ELP2: variants seen among roughly 807,000 people sequenced by gnomAD.
The protein encoded by ELP2 is elongator acetyltransferase complex subunit 2, also known as elongator complex protein 2.
A neutral mutation model predicts 119.2 loss-of-function variants in ELP2; 90 were observed. That is an observed-to-expected ratio of 0.75 (90% CI 0.64 to 0.90). The LOEUF (loss-of-function observed/expected upper bound fraction) is 0.90. ELP2 is among the 40% of genes least tolerant of loss of function. The pLI is 0.00. For synonymous variants in ELP2, 339 were observed against 331.0 expected (o/e 1.02, Z -0.26); for missense variants, 921 against 967.8 (o/e 0.95, Z 0.64).
chr18:36,165,109 T>C (rs1316752857), intron 18 of ELP2: 1 of 173,740 alleles, frequency 5.8e-6, no homozygotes, highest in Non-Finnish European at 1.2e-5. Context: ...TATAGTACTA[T>C]TTTAAATTAT....
At chr18:36,149,488 G>GTTTTTTTTTTTTTT (rs71166097) in intron 11 of ELP2, among the ~76,000 whole-genome samples, 1 of 125,082 alleles carries the variant, frequency 8.0e-6, no homozygotes, top group Non-Finnish European at 1.6e-5. Flanking sequence ...GTTTTGTTTT[G>GTTTTTTTTTTTTTT]TTTTTTTTTT....
intron 2 of ELP2, among the ~76,000 whole-genome samples, chr18:36,134,208 T>C (rs1046892587): frequency 1.3e-5 from 2 of 152,170 alleles, no homozygotes; most frequent in Admixed American, 1.3e-4. Context: ...AAGTAAGAGA[T>C]TGGACTAGAT....
rs2091236626 is a variant in ELP2, at chr18:36,176,959, C to T, written c.*2318C>T. The T allele has an allele frequency of 6.6e-6, 1 of 152,048 alleles. No individual in the cohort carries two copies. Among genetic ancestry groups the T allele is most frequent in the Admixed American group, 6.5e-5 (1 of 15,270 alleles). The allele number at this position is 152,048 out of a possible 1,614,324, so 9.4% of individuals were successfully genotyped here. On this transcript the variant is annotated 3_prime_UTR_variant, in exon 22 of 22. Coordinates refer to ENST00000358232, the MANE Select transcript of ELP2 (RefSeq NM_018255.4). The stretch of plus-strand genomic sequence containing the variant: ...TTTCCTGTCTGCCAGGAAAAGTTTT[C>T]TGTAGTGACGCACGTGTTGTGTGTG...
intron 20 of ELP2, 44 bp from the exon 21 acceptor site, chr18:36,171,003 T>C: frequency 7.4e-7 from 1 of 1,350,518 alleles, no homozygotes; most frequent in Non-Finnish European, 1.1e-6. Flanking sequence ...AGATAACAAT[T>C]TCATGCTAAG....
rs1476056150 is a variant in ELP2, at chr18:36,136,352, T to G, written c.263T>G (p.Ile88Ser). 2 of 1,612,146 alleles carry G rather than the reference T, an allele frequency of 1.2e-6. No homozygotes were observed. Among genetic ancestry groups the G allele is most frequent in the Non-Finnish European group, 1.7e-6 (2 of 1,178,286 alleles). The part of the protein sequence containing the change: ...LVSGGSDNQV[I>S]HWEIEDNQLL... Reference sequence around the variant, plus strand: ...TCTGGAGGATCTGATAATCAAGTGATTCACTGGGAAATAGAGGATAATCAG... The same window carrying G: ...TCTGGAGGATCTGATAATCAAGTGAGTCACTGGGAAATAGAGGATAATCAG... The change falls in exon 3 of 22, where the codon ATT becomes AGT. Residue 88 changes from isoleucine (I) to serine (S), a missense_variant. Coordinates refer to ENST00000358232, the MANE Select transcript of ELP2 (RefSeq NM_018255.4).
intron 16 of ELP2, 89 bp downstream of exon 16, chr18:36,160,104 TCTTC>T (rs2090689987): frequency 7.9e-6 from 10 of 1,262,100 alleles, no homozygotes; most frequent in Middle Eastern, 5.2e-4. Flanking sequence ...GTCTCCTTTT[TCTTC>T]CTTCTACCTA....
intron 6 of ELP2, chr18:36,141,554 A>G (rs2144622953): frequency 4.0e-6 from 1 of 251,276 alleles, no homozygotes; most frequent in East Asian, 9.0e-5. Context: ...AGCTTTACTT[A>G]GATTTTGAGT....
chr18:36,173,215 A>G (rs1447144066), intron 21 of ELP2, among the ~76,000 whole-genome samples: 1 of 152,248 alleles, frequency 6.6e-6, no homozygotes, highest in Non-Finnish European at 1.5e-5. Context: ...ATGAAATGAG[A>G]TAACTCTAAT....
At chr18:36,161,174 A>T (rs1003169838) in intron 17 of ELP2, among the ~76,000 whole-genome samples, 170 bp downstream of exon 17, 11 of 152,132 alleles carry the variant, frequency 7.2e-5, no homozygotes, top group African/African-American at 2.2e-4. Context: ...TCAAAAGCTT[A>T]TGGTTTCATT....
chr18:36,169,295 G>C (rs1002329081), intron 19 of ELP2, among the ~76,000 whole-genome samples: 10 of 151,902 alleles, frequency 6.6e-5, no homozygotes, highest in Admixed American at 1.3e-4. Context: ...CTCATTTCAT[G>C]AGGGGTATCA....
chr18:36,145,104 AAGTGG>A (rs1419320234), intron 9 of ELP2, 70 bp downstream of exon 9: 30 of 1,221,322 alleles, frequency 2.5e-5, no homozygotes, highest in Non-Finnish European at 3.4e-5. Context: ...TGACCAAATC[AAGTGG>A]AGAATTTTTT....
intron 18 of ELP2, 45 bp from the exon 19 acceptor site, chr18:36,167,056 C>G (rs1177300564): frequency 6.4e-7 from 1 of 1,551,950 alleles, no homozygotes; most frequent in Non-Finnish European, 8.7e-7. Context: ...AGGTAAAAAC[C>G]CAGCTTTCTC....
In ELP2 at chr18:36,170,116, T is replaced by A. The variant is rs757030759; in HGVS notation, c.2130T>A (p.Ile710=). The change falls in exon 20 of 22, where the codon ATT becomes ATA. Residue 710 remains isoleucine (I), a synonymous_variant. Transcript: ENST00000358232. The part of the protein sequence containing the change: ...DSTDDCIEHN[I]GPCSSVLDVG... The stretch of plus-strand genomic sequence containing the variant: ...CTGATGACTGTATTGAGCACAACAT[T>A]GGCCCCTGCTCCTCAGTCCTGGACG... 6.2e-7 allele frequency: 1 copy of A among 1,614,092 alleles called. No individual in the cohort carries two copies. The highest frequency in any genetic ancestry group is 1.7e-5 in the Admixed American group (1 of 60,024).
rs192190905 is a variant in ELP2, at chr18:36,172,293, A to G, written c.2324+1133A>G. On this transcript the variant is annotated intron_variant, in intron 21 of 21. Transcript: ENST00000358232. ...AAAAAGTATAAACGTTCAGAAAGCT[A>G]CTAATATCATTCTGTGTTATATTTT... is the stretch of plus-strand genomic sequence containing the variant. Among the ~76,000 whole-genome samples, 286 of 152,282 alleles carry G rather than the reference A, an allele frequency of 1.9e-3. 1 individual carries two copies. Among genetic ancestry groups the G allele is most frequent in the Middle Eastern group, 3.4e-3 (1 of 294 alleles).
At chr18:36,163,154 G>C (rs148404011) in intron 17 of ELP2, among the ~76,000 whole-genome samples, 2 of 152,060 alleles carry the variant, frequency 1.3e-5, no homozygotes, top group East Asian at 3.9e-4. Flanking sequence ...AAAGATGTCT[G>C]GTTTTTGGCT....
At chr18:36,152,183 TGAGACCC>T (rs1345623303) in intron 11 of ELP2, among the ~76,000 whole-genome samples, 1 of 122,100 alleles carries the variant, frequency 8.2e-6, no homozygotes, top group East Asian at 2.4e-4. Context: ...GGTGACAGAG[TGAGACCC>T]TATCTCAAAA....
At chr18:36,149,638 A>G (rs1254888029) in intron 11 of ELP2, among the ~76,000 whole-genome samples, 1 of 152,086 alleles carries the variant, frequency 6.6e-6, no homozygotes, top group Non-Finnish European at 1.5e-5. Context: ...GAAAAAAAAT[A>G]TAGTCATTTT....
rs1203496944 is a variant in ELP2 at position 36,177,857 on chromosome 18, C to T, written c.*3216C>T. The T allele has an allele frequency of 6.6e-6, 1 of 152,176 alleles. No individual in the cohort carries two copies. Among genetic ancestry groups the T allele is most frequent in the African/African-American group, 2.4e-5 (1 of 41,440 alleles). 9.4% of individuals were successfully genotyped at this position (152,176 alleles called of 1,614,324 possible). A position where few individuals can be genotyped will look rare whatever the true frequency, so the allele number is the denominator to read the frequency against. On this transcript the variant is annotated 3_prime_UTR_variant, in exon 22 of 22. Transcript: ENST00000358232. ...AATTTTCAGTGTGGAGGGTCTGGCT[C>T]ATAGCATTTCACAAACATTATACTT...
chr18:36,164,887 T>C (rs775544589), intron 18 of ELP2: 3 of 563,342 alleles, frequency 5.3e-6, no homozygotes, highest in Non-Finnish European at 9.5e-6. Flanking sequence ...TGTGATTATG[T>C]AGTCAAGATG....
Sources: allele counts gnomAD v4.1 joint callset (sites outside exome capture counted in the v4.1 genomes callset), GRCh38; gene constraint gnomAD v4.1.1; transcripts MANE v1.5; gene names NCBI Gene and HGNC (gene_info 2026-07-23, HGNC 2026-07-21).